Variants in CDC42BPB observed in about 807,000 individuals in gnomAD.
The protein encoded by CDC42BPB is serine/threonine-protein kinase MRCK beta.
CDC42BPB carries 37 observed loss-of-function variants against 214.9 expected under a neutral mutation model. That is an observed-to-expected ratio of 0.17 (90% CI 0.13 to 0.23). The LOEUF is 0.23. CDC42BPB is among the 10% of genes least tolerant of loss of function. The pLI, the probability that CDC42BPB is intolerant of heterozygous loss-of-function variation, is 1.00. For missense variants in CDC42BPB, 1,694 were observed against 2,227.0 expected, an observed-to-expected ratio of 0.76 and a Z score of 4.82; for synonymous variants, 931 against 884.0, an observed-to-expected ratio of 1.05 and a Z score of -0.94.
In CDC42BPB at chr14:102,932,883, G is replaced by C. The variant is rs1595437492; in HGVS notation, c.*829C>G. The C allele has an allele frequency of 1.6e-5, 2 of 127,746 alleles. 1 individual carries two copies. The highest frequency in any genetic ancestry group is 6.1e-5 in the African/African-American group (2 of 32,894). The allele number at this position is 127,746 out of a possible 1,614,324, so 7.9% of individuals were successfully genotyped here. A position where few individuals can be genotyped will look rare whatever the true frequency, so the allele number is the denominator to read the frequency against. On this transcript the variant is annotated 3_prime_UTR_variant, in exon 37 of 37. Coordinates refer to ENST00000361246, the MANE Select transcript of CDC42BPB (RefSeq NM_006035.4). ...TGCGGGGGCAGGACTGGTGGGGGGGGGGGCGGGCAGGGCGGGGCGGGGTGG... is the reference window on the plus strand; with the variant it reads ...TGCGGGGGCAGGACTGGTGGGGGGGCGGGCGGGCAGGGCGGGGCGGGGTGG...
intron 13 of CDC42BPB, among the ~76,000 whole-genome samples, chr14:102,971,417 G>A (rs1025139031): frequency 2.0e-5 from 3 of 152,156 alleles, no homozygotes; most frequent in East Asian, 3.8e-4. Context: ...CAACAGTGTC[G>A]AATGGTGCTG....
chr14:103,043,730 TTTC>T (rs1197596327), intron 1 of CDC42BPB, among the ~76,000 whole-genome samples: 1 of 152,124 alleles, frequency 6.6e-6, no homozygotes, highest in Non-Finnish European at 1.5e-5. Flanking sequence ...CAGAGAAGCC[TTTC>T]TTCTTCACTA....
Position 102,964,484 on chromosome 14 carries a change from G to A in CDC42BPB, c.2726+18C>T. On this transcript the variant is annotated intron_variant, in intron 19 of 36. Coordinates refer to ENST00000361246, the MANE Select transcript of CDC42BPB (RefSeq NM_006035.4). The stretch of plus-strand genomic sequence containing the variant: ...CAGCCACTGCTCCTACCTGGAGTCA[G>A]ACCCTGGCACCAAGTACCTTTCCAA... The A allele has an allele frequency of 6.2e-7, 1 of 1,612,276 alleles. No individual in the cohort carries two copies. The highest frequency in any genetic ancestry group is 2.2e-5 in the East Asian group (1 of 44,812).
chr14:103,056,736 A>G (rs1888990661), intron 1 of CDC42BPB, among the ~76,000 whole-genome samples: 1 of 151,790 alleles, frequency 6.6e-6, no homozygotes, highest in South Asian at 2.1e-4. Context: ...AGGGGGCGGG[A>G]CGATCGAACG....
At chr14:103,016,598 G>A (rs1886479505) in intron 1 of CDC42BPB, among the ~76,000 whole-genome samples, 1 of 152,048 alleles carries the variant, frequency 6.6e-6, no homozygotes, top group Non-Finnish European at 1.5e-5. Context: ...GTTACCTACA[G>A]GAGGACTGAT....
At chr14:102,939,983 C>T (rs755631432) in intron 32 of CDC42BPB, 36 bp from the exon 33 acceptor site, 4 of 1,613,684 alleles carry the variant, frequency 2.5e-6, no homozygotes, top group South Asian at 2.2e-5. Flanking sequence ...GGTGCTGCGG[C>T]ACCAGGGACA....
Position 102,938,346 on chromosome 14 carries a change from A to G in CDC42BPB, c.4893T>C (p.Pro1631=). 1 of 1,600,118 alleles carries G rather than the reference A, an allele frequency of 6.2e-7. No individual in the cohort carries two copies. The highest frequency in any genetic ancestry group is 8.5e-7 in the Non-Finnish European group (1 of 1,174,188). The part of the protein sequence containing the change: ...GPAPTNLARQ[P]PSRNKPYISW... The stretch of plus-strand genomic sequence containing the variant: ...AGATGTAGGGCTTGTTCCTGGATGG[A>G]GGCTGGCGAGCCAGGTTGGTGGGAG... The change falls in exon 35 of 37, where the codon CCT becomes CCC. Residue 1631 remains proline, a synonymous_variant. Transcript: ENST00000361246.
Position 102,944,325 on chromosome 14 carries a change from G to A in CDC42BPB, c.3974C>T (p.Thr1325Ile). Residue 1325 changes from threonine (T) to isoleucine (I), a missense_variant, in exon 30 of 37, where the codon ACC becomes ATC. Coordinates refer to ENST00000361246, the MANE Select transcript of CDC42BPB (RefSeq NM_006035.4). The surrounding 1 kb of genome is among the most constrained non-coding windows in gnomAD (Gnocchi z 6.6). ...EGSFDIKLPE[T>I]KGCQLMATAT... Reference sequence around the variant, plus strand: ...CGTGGCCATGAGCTGGCAGCCTTTGGTTTCCGGAAGCTTGATGTCAAAGCT... The same window carrying A: ...CGTGGCCATGAGCTGGCAGCCTTTGATTTCCGGAAGCTTGATGTCAAAGCT... The A allele has an allele frequency of 1.2e-6, 2 of 1,613,108 alleles. No individual in the cohort carries two copies. Among genetic ancestry groups the A allele is most frequent in the Non-Finnish European group, 1.7e-6 (2 of 1,180,012 alleles).
intron 1 of CDC42BPB, chr14:103,042,125 G>C (rs770203571): frequency 6.3e-6 from 1 of 158,606 alleles, no homozygotes; most frequent in African/African-American, 2.4e-5. Context: ...TAAATCAGCA[G>C]TTTAAAAAAA....
chr14:103,007,895 GA>G (rs1013816528), intron 3 of CDC42BPB, among the ~76,000 whole-genome samples: 57 of 152,320 alleles, frequency 3.7e-4, no homozygotes, highest in Middle Eastern at 6.8e-3. Context: ...GGCCAGAGAG[GA>G]AAAGCGTGGG....
At chr14:102,988,873 A>G (rs1181948420) in intron 5 of CDC42BPB, among the ~76,000 whole-genome samples, 1 of 143,412 alleles carries the variant, frequency 7.0e-6, no homozygotes, top group Non-Finnish European at 1.5e-5. Context: ...CCCCCTTCCA[A>G]AAAAAAAAAA....
chr14:103,029,919 G>A (rs1223131709), intron 1 of CDC42BPB, among the ~76,000 whole-genome samples: 3 of 144,762 alleles, frequency 2.1e-5, no homozygotes, highest in Admixed American at 6.9e-5. Flanking sequence ...GGCCAGACAC[G>A]CATGTGAGCG....
chr14:102,976,537 G>A (rs1893753994), intron 9 of CDC42BPB, among the ~76,000 whole-genome samples: 3 of 152,220 alleles, frequency 2.0e-5, no homozygotes, highest in African/African-American at 7.2e-5. Flanking sequence ...CCTTACCAAG[G>A]ACCAGACCAC....
chr14:102,996,698 G>A (rs1413729509), intron 5 of CDC42BPB, among the ~76,000 whole-genome samples: 1 of 151,470 alleles, frequency 6.6e-6, no homozygotes, highest in Admixed American at 6.6e-5. Flanking sequence ...TGTAATCCTA[G>A]CTACTCGGGA....
intron 1 of CDC42BPB, among the ~76,000 whole-genome samples, chr14:103,051,924 CA>C (rs1384585832): frequency 8.5e-5 from 13 of 152,138 alleles, no homozygotes; most frequent in African/African-American, 3.1e-4. Context: ...CAGCTCACCG[CA>C]ACCTCTGCCT....
rs1446211617 is a variant in CDC42BPB at position 103,004,968 on chromosome 14, C to T, written c.352-945G>A. 3.3e-5 allele frequency among the ~76,000 whole-genome samples: 5 copies of T among 151,776 alleles called. No individual in the cohort carries two copies. In the East Asian group the frequency reaches 9.7e-4, roughly 29 times the overall value. ...GGATCACGAGGTCAGGAGATCAAGA[C>T]CATCCTGGCTAACACCGTGAAACCC... is the stretch of plus-strand genomic sequence containing the variant. On this transcript the variant is annotated intron_variant, in intron 3 of 36. Transcript: ENST00000361246. The surrounding 1 kb of genome is among the most constrained non-coding windows in gnomAD (Gnocchi z 5.3).
intron 1 of CDC42BPB, among the ~76,000 whole-genome samples, chr14:103,056,682 G>A (rs1221082186): frequency 1.3e-5 from 2 of 151,654 alleles, no homozygotes; most frequent in African/African-American, 4.9e-5. Context: ...GGGGGGGAGG[G>A]GGTGGGAGTG....
chr14:102,953,724 C>G (rs920751842), intron 23 of CDC42BPB, among the ~76,000 whole-genome samples: 1 of 152,226 alleles, frequency 6.6e-6, no homozygotes, highest in Non-Finnish European at 1.5e-5. Context: ...GGCCGCTGTG[C>G]TGGCTCTCCA....
intron 30 of CDC42BPB, among the ~76,000 whole-genome samples, chr14:102,942,748 A>C (rs969213269): frequency 6.6e-6 from 1 of 151,312 alleles, no homozygotes; most frequent in Non-Finnish European, 1.5e-5. Context: ...TCTGTTGCCC[A>C]GGCTAGAGTG....
Sources: allele counts gnomAD v4.1 joint callset (sites outside exome capture counted in the v4.1 genomes callset), GRCh38; gene constraint gnomAD v4.1.1; non-coding constraint Gnocchi (gnomAD v3.1); transcripts MANE v1.5; gene names NCBI Gene and HGNC (gene_info 2026-07-23, HGNC 2026-07-21).